RYR1: variants seen among roughly 807,000 people sequenced by gnomAD.
RYR1 encodes ryanodine receptor 1, also known as central core disease of muscle.
RYR1 carries 342 observed loss-of-function variants against 583.5 expected under a neutral mutation model. The ratio of observed to expected loss-of-function variants is 0.59; its 90% CI spans 0.54 to 0.64. The LOEUF (loss-of-function observed/expected upper bound fraction) is 0.64. Ranked by LOEUF, RYR1 falls within the 30% of genes least tolerant of loss-of-function variation. RYR1 has a pLI of 0.00. For synonymous variants in RYR1, 2,791 were observed against 2,822.5 expected (o/e 0.99, Z 0.35); for missense variants, 6,032 against 6,917.2 (o/e 0.87, Z 4.54).
At position 38,500,753 on chromosome 19, in the gene RYR1, G is replaced by A; in HGVS notation, c.7444+27G>A. ...TGCAGAGGGGATGGAACTTGGCGAA[G>A]GAGTGATGCTGGGGAGGGAGCGGCT... is the stretch of plus-strand genomic sequence containing the variant. On this transcript the variant is annotated intron_variant, in intron 46 of 105. Transcript: ENST00000359596. This position sits in a 1 kb window ranked among gnomAD's most constrained non-coding sequence, Gnocchi z 5.9. 6.2e-7 allele frequency: 1 copy of A among 1,614,150 alleles called. No homozygotes were observed. Among genetic ancestry groups the A allele is most frequent in the Non-Finnish European group, 8.5e-7 (1 of 1,180,018 alleles).
At chr19:38,547,706 C>G (rs1014303641) in intron 88 of RYR1, among the ~76,000 whole-genome samples, 5 of 149,734 alleles carry the variant, frequency 3.3e-5, no homozygotes, top group African/African-American at 1.0e-4. Context: ...CTTTAGCGTA[C>G]ATCATCATTA....
intron 87 of RYR1, 55 bp from the exon 88 acceptor site, chr19:38,546,390 C>A: frequency 6.7e-7 from 1 of 1,493,472 alleles, no homozygotes; most frequent in Non-Finnish European, 9.3e-7. Flanking sequence ...GGAGAAGCAA[C>A]AGAGGTGGGG....
At position 38,483,101 on chromosome 19, in the gene RYR1, G is replaced by A. The variant is rs1440433004; in HGVS notation, c.4695G>A (p.Leu1565=). 3 of 1,614,036 alleles carry A rather than the reference G, an allele frequency of 1.9e-6. No homozygotes were observed. Among genetic ancestry groups the A allele is most frequent in the Non-Finnish European group, 2.5e-6 (3 of 1,179,960 alleles). Reference sequence around the variant, plus strand: ...ACCAGAACGTCATCCAGTTTGAGCTGGGGAAGCAGAAGGTACAAGTGCAGT... The same window carrying A: ...ACCAGAACGTCATCCAGTTTGAGCTAGGGAAGCAGAAGGTACAAGTGCAGT... ...PTHQNVIQFE[L]GKQKNIMPLS... Residue 1565 remains leucine, a synonymous_variant, in exon 32 of 106, where the codon CTG becomes CTA. Coordinates refer to ENST00000359596, the MANE Select transcript of RYR1 (RefSeq NM_000540.3). The surrounding 1 kb of genome is among the most constrained non-coding windows in gnomAD (Gnocchi z 6.3).
At chr19:38,442,243 G>T (rs371201368) in intron 2 of RYR1, 106 bp from the exon 3 acceptor site, 4 of 802,470 alleles carry the variant, frequency 5.0e-6, no homozygotes, top group Non-Finnish European at 8.8e-6. Context: ...GGGGTCTGGC[G>T]TCTCAAGAGT....
chr19:38,562,295 C>T (rs780228458), intron 90 of RYR1, among the ~76,000 whole-genome samples: 2 of 152,112 alleles, frequency 1.3e-5, no homozygotes, highest in African/African-American at 2.4e-5. Context: ...CTCACACACT[C>T]GCTTGCCCCA....
chr19:38,433,714 G>T lies in RYR1; in HGVS notation c.-116G>T. ...TCGCAGTTCCATCTACCTCGCGGGT[G>T]CCTCTGGTGTCTCCAGAGGTCTCCG... On this transcript the variant is annotated 5_prime_UTR_variant, in exon 1 of 106. Coordinates refer to ENST00000359596, the MANE Select transcript of RYR1 (RefSeq NM_000540.3). The T allele has an allele frequency of 3.8e-6, 3 of 784,174 alleles. No individual in the cohort carries two copies. The highest frequency in any genetic ancestry group is 1.4e-5 in the South Asian group (1 of 69,368). 48.6% of individuals were successfully genotyped at this position (784,174 alleles called of 1,614,324 possible).
At chr19:38,542,225 A>G (rs1972229225) in intron 84 of RYR1, among the ~76,000 whole-genome samples, 1 of 151,998 alleles carries the variant, frequency 6.6e-6, no homozygotes, top group Non-Finnish European at 1.5e-5. Context: ...AGGATGTAGT[A>G]TACACTCAAT....
At chr19:38,449,180 C>T (rs1402332516) in intron 11 of RYR1, among the ~76,000 whole-genome samples, 1 of 152,134 alleles carries the variant, frequency 6.6e-6, no homozygotes, top group African/African-American at 2.4e-5. Context: ...AGAGACACGG[C>T]CGGGCGTGGT....
chr19:38,470,211 C>T (rs1968348571), intron 27 of RYR1, among the ~76,000 whole-genome samples: 1 of 151,670 alleles, frequency 6.6e-6, no homozygotes, highest in South Asian at 2.1e-4. Context: ...GTGTTCACAC[C>T]ACTGCACTCT....
chr19:38,457,395 G>A (rs1480791918), intron 16 of RYR1, 102 bp from the exon 17 acceptor site: 8 of 1,542,562 alleles, frequency 5.2e-6, no homozygotes, highest in African/African-American at 4.1e-5. Context: ...ATCTTATCCC[G>A]ATGCGCTGTC....
Position 38,499,170 on chromosome 19 carries a change from C to T in RYR1, c.6954C>T (p.Tyr2318=), listed in dbSNP as rs1318028544. The T allele has an allele frequency of 6.2e-7, 1 of 1,614,210 alleles. No homozygotes were observed. The highest frequency in any genetic ancestry group is 1.3e-5 in the African/African-American group (1 of 75,052). Residue 2318 remains tyrosine, a synonymous_variant, in exon 43 of 106, where the codon TAC becomes TAT. Coordinates refer to ENST00000359596, the MANE Select transcript of RYR1 (RefSeq NM_000540.3). This position sits in a 1 kb window ranked among gnomAD's most constrained non-coding sequence, Gnocchi z 7.3. ...QSCPMLVAKG[Y]PDIGWNPCGG... Reference sequence around the variant, plus strand: ...GCCCCATGCTTGTGGCCAAAGGGTACCCAGACATTGGCTGGAACCCCTGTG... The same window carrying T: ...GCCCCATGCTTGTGGCCAAAGGGTATCCAGACATTGGCTGGAACCCCTGTG...
intron 82 of RYR1, 64 bp downstream of exon 82, chr19:38,536,134 A>AC (rs1971954737): frequency 4.3e-6 from 4 of 939,066 alleles, no homozygotes; most frequent in Non-Finnish European, 1.3e-6. Flanking sequence ...CTCCCACCCC[A>AC]CCCCCACCCG....
intron 25 of RYR1, 46 bp downstream of exon 25, chr19:38,467,858 C>G: frequency 6.3e-7 from 1 of 1,585,758 alleles, no homozygotes; most frequent in Non-Finnish European, 8.6e-7. Flanking sequence ...TGTGGTCTCT[C>G]CCACAGCTTG....
At chr19:38,472,951 G>A (rs939561851) in intron 27 of RYR1, among the ~76,000 whole-genome samples, 1 of 151,532 alleles carries the variant, frequency 6.6e-6, no homozygotes, top group Non-Finnish European at 1.5e-5. Context: ...TGTAGGCAGA[G>A]GTTGCGGTGA....
Position 38,510,758 on chromosome 19 carries a change from CAAG to C in RYR1, c.9100_9102del (p.Lys3034del). 6.2e-7 allele frequency: 1 copy of C among 1,614,216 alleles called. No homozygotes were observed. Among genetic ancestry groups the C allele is most frequent in the Non-Finnish European group, 8.5e-7 (1 of 1,180,030 alleles). On this transcript the variant is annotated inframe_deletion, in exon 60 of 106. Transcript: ENST00000359596. The stretch of plus-strand genomic sequence containing the variant: ...TGGGCAGCGGTGGCCACGCCTCTAA[CAAG>C]GAGAAGGAAATGATCACCAGGTGGG...
rs1432378321 is a variant in RYR1, at chr19:38,502,683, G to A, written c.7791G>A (p.Lys2597=). ...YRLSRGRSLT[K]AQRDVIEDCL... ...TGTCTCGGGGTCGTTCGCTCACCAAGGCGCAGCGTGACGTCATCGAGGACT... is the reference window on the plus strand; with the variant it reads ...TGTCTCGGGGTCGTTCGCTCACCAAAGCGCAGCGTGACGTCATCGAGGACT... The change falls in exon 48 of 106, where the codon AAG becomes AAA. Residue 2597 remains lysine (K), a synonymous_variant. Coordinates refer to ENST00000359596, the MANE Select transcript of RYR1 (RefSeq NM_000540.3). 15 of 1,608,890 alleles carry A rather than the reference G, an allele frequency of 9.3e-6. No individual in the cohort carries two copies. Among genetic ancestry groups the A allele is most frequent in the Non-Finnish European group, 1.3e-5 (15 of 1,179,624 alleles).
At chr19:38,520,704 A>T (rs1971191198) in intron 67 of RYR1, among the ~76,000 whole-genome samples, 1 of 137,478 alleles carries the variant, frequency 7.3e-6, no homozygotes, top group African/African-American at 3.5e-5. Flanking sequence ...AAAAAAAAAA[A>T]AAAAAAAAAA....
intron 20 of RYR1, among the ~76,000 whole-genome samples, chr19:38,461,738 A>AG (rs1341713982): frequency 1.4e-5 from 2 of 139,890 alleles, no homozygotes; most frequent in East Asian, 4.7e-4. Context: ...AAAAAAAAAA[A>AG]AAGAAAGGGA....
intron 1 of RYR1, 111 bp from the exon 2 acceptor site, chr19:38,440,634 C>T (rs1460313721): frequency 4.9e-5 from 64 of 1,317,522 alleles, no homozygotes; most frequent in Non-Finnish European, 6.5e-5. Flanking sequence ...TTGATCTTGT[C>T]AGTCACTGTC....
Sources: gnomAD v4.1 joint callset for allele counts (sites outside exome capture counted in the v4.1 genomes callset) on GRCh38, gnomAD v4.1.1 for gene constraint, Gnocchi (gnomAD v3.1) non-coding constraint, MANE v1.5 for transcripts, NCBI Gene and HGNC (gene_info 2026-07-23, HGNC 2026-07-21) for gene names.